Variants in DAB1 observed in about 807,000 individuals in gnomAD.
DAB1 encodes the protein disabled homolog 1.
A neutral mutation model predicts 64.6 loss-of-function variants in DAB1; 15 were observed. That is an observed-to-expected ratio of 0.23 (90% CI 0.16 to 0.36). The LOEUF is 0.36. Ranked by LOEUF, DAB1 falls within the 10% of genes least tolerant of loss-of-function variation. The pLI is 1.00. For missense variants in DAB1, 596 were observed against 706.7 expected (o/e 0.84, Z 1.78); for synonymous variants, 235 against 251.9 (o/e 0.93, Z 0.64).
chr1:57,084,190 G>T (rs1210914784), intron 4 of DAB1, among the ~76,000 whole-genome samples: 1 of 152,200 alleles, frequency 6.6e-6, no homozygotes, highest in Non-Finnish European at 1.5e-5. Flanking sequence ...GTGGCCCACT[G>T]ATTCAATATG....
intron 3 of DAB1, among the ~76,000 whole-genome samples, chr1:58,463,683 C>G (rs1645266571): frequency 6.6e-6 from 1 of 152,224 alleles, no homozygotes; most frequent in Non-Finnish European, 1.5e-5. Context: ...CATGTGGATG[C>G]TGCTTCTGCC....
chr1:57,383,696 A>G (rs1681563724), intron 1 of DAB1, among the ~76,000 whole-genome samples: 1 of 152,198 alleles, frequency 6.6e-6, no homozygotes, highest in Non-Finnish European at 1.5e-5. Flanking sequence ...GGAAAACTGA[A>G]TATCTAGATG....
intron 5 of DAB1, among the ~76,000 whole-genome samples, chr1:58,101,289 C>G (rs954539007): frequency 3.3e-5 from 5 of 152,074 alleles, no homozygotes; most frequent in Admixed American, 2.0e-4. Context: ...TGCACTCCAG[C>G]CTGGGCGACA....
Position 57,215,789 on chromosome 1 carries a change from A to T in DAB1, c.68-70360T>A, listed in dbSNP as rs1299850355. ...TTATCCACTTTTTTCCTTCGACATGAATTCAGACTGGTGCTATGGAATGTC... is the reference window on the plus strand; with the variant it reads ...TTATCCACTTTTTTCCTTCGACATGTATTCAGACTGGTGCTATGGAATGTC... On this transcript the variant is annotated intron_variant, in intron 2 of 14. Coordinates refer to ENST00000371236, the MANE Select transcript of DAB1 (RefSeq NM_001365792.1). Among the ~76,000 whole-genome samples, 2 of 152,230 alleles carry T rather than the reference A, an allele frequency of 1.3e-5. 1 individual carries two copies. The highest frequency in any genetic ancestry group is 4.1e-4 in the South Asian group (2 of 4,836).
chr1:57,129,244 T>C (rs1196389449), intron 4 of DAB1, among the ~76,000 whole-genome samples: 1 of 152,154 alleles, frequency 6.6e-6, no homozygotes, highest in African/African-American at 2.4e-5. Flanking sequence ...AATTATAGAC[T>C]TGGTCCTGTA....
At chr1:57,454,180 T>C (rs1204406410) in intron 7 of DAB1, among the ~76,000 whole-genome samples, 3 of 152,102 alleles carry the variant, frequency 2.0e-5, no homozygotes, top group African/African-American at 4.8e-5. Flanking sequence ...TCTCATTTTA[T>C]ACTCACAGAG....
intron 3 of DAB1, among the ~76,000 whole-genome samples, chr1:58,413,532 C>G (rs956599708): frequency 5.9e-5 from 9 of 152,178 alleles, no homozygotes; most frequent in African/African-American, 1.9e-4. Context: ...GTGATTCCCA[C>G]TATATGATCT....
At chr1:57,058,808 G>A (rs1288001603) in intron 9 of DAB1, among the ~76,000 whole-genome samples, 1 of 152,206 alleles carries the variant, frequency 6.6e-6, no homozygotes, top group African/African-American at 2.4e-5. Flanking sequence ...TCATAGCTTA[G>A]GTTACTACCA....
rs1645594456 is a variant in DAB1 at position 56,995,832 on chromosome 1, A to C, written c.*2312T>G. 6.6e-6 allele frequency: 1 copy of C among 152,208 alleles called. No individual in the cohort carries two copies. The highest frequency in any genetic ancestry group is 1.5e-5 in the Non-Finnish European group (1 of 68,042). The allele number at this position is 152,208 out of a possible 1,614,324, so 9.4% of individuals were successfully genotyped here. ...ACAAACTGGTCTCAGGCCAACTCTT[A>C]TGGTCATTCCACCTTTCCCATCTTC... On this transcript the variant is annotated 3_prime_UTR_variant, in exon 15 of 15. Transcript: ENST00000371236.
chr1:57,455,205 C>T (rs1312522482), intron 7 of DAB1, among the ~76,000 whole-genome samples: 2 of 152,106 alleles, frequency 1.3e-5, no homozygotes, highest in Non-Finnish European at 2.9e-5. Context: ...ATAAACAGTT[C>T]CTAGGGGTAG....
chr1:58,384,456 T>C (rs1428117082), intron 3 of DAB1, among the ~76,000 whole-genome samples: 5 of 152,236 alleles, frequency 3.3e-5, no homozygotes, highest in African/African-American at 9.6e-5. Context: ...CAACATAGCC[T>C]ATAGTTAAAA....
intron 14 of DAB1, among the ~76,000 whole-genome samples, chr1:57,007,541 C>A (rs111442571): frequency 1.3e-5 from 2 of 152,176 alleles, no homozygotes; most frequent in Non-Finnish European, 2.9e-5. Context: ...ATTGAAGATA[C>A]TTTCCTTTAT....
intron 4 of DAB1, among the ~76,000 whole-genome samples, chr1:58,219,736 T>C (rs1168470430): frequency 6.6e-6 from 1 of 152,190 alleles, no homozygotes. Flanking sequence ...CCACACACCC[T>C]TGGCCAGATC....
intron 1 of DAB1, among the ~76,000 whole-genome samples, chr1:57,418,401 A>G (rs1231046305): frequency 6.6e-6 from 1 of 152,252 alleles, no homozygotes; most frequent in East Asian, 1.9e-4. Flanking sequence ...ATGGATACCA[A>G]GTAAACAAAT....
At chr1:57,581,535 G>A (rs988323942) in intron 7 of DAB1, among the ~76,000 whole-genome samples, 6 of 151,828 alleles carry the variant, frequency 4.0e-5, no homozygotes, top group Admixed American at 2.6e-4. Flanking sequence ...AACCTCTCTC[G>A]TTCTCAGTTT....
In DAB1 at chr1:57,238,846, C is replaced by CACACACACACAT. The variant is rs10674912; in HGVS notation, c.67+52117_67+52118insATGTGTGTGTGT. Among the ~76,000 whole-genome samples the CACACACACACAT allele has an allele frequency of 1.6e-3, 226 of 140,742 alleles. 4 individuals carry two copies. The East Asian group carries it at 0.031, about 19-fold the overall frequency. The allele number at this position is 140,742 out of a possible 152,430, so 92.3% of individuals were successfully genotyped here. ...TGGCAGGCGTGTGCACATGCGCACA[C>CACACACACACAT]ACACACACACACATACACACACACA... On this transcript the variant is annotated intron_variant, in intron 2 of 14. Coordinates refer to ENST00000371236, the MANE Select transcript of DAB1 (RefSeq NM_001365792.1).
chr1:57,767,452 AC>A (rs1649362474), intron 6 of DAB1, among the ~76,000 whole-genome samples: 1 of 152,106 alleles, frequency 6.6e-6, no homozygotes, highest in South Asian at 2.1e-4. Flanking sequence ...GCTTCCCTTG[AC>A]CCGTCTGAAT....
intron 4 of DAB1, among the ~76,000 whole-genome samples, chr1:58,188,899 G>C (rs1239008265): frequency 1.3e-5 from 2 of 152,166 alleles, no homozygotes; most frequent in African/African-American, 4.8e-5. Context: ...CATGGGTCCT[G>C]AATGTTCCAC....
intron 6 of DAB1, among the ~76,000 whole-genome samples, chr1:57,757,220 T>TCTTTTTTTTTTTTTTTTTTTTTTTTTG (rs200688727): frequency 8.3e-6 from 1 of 120,152 alleles, no homozygotes; most frequent in Non-Finnish European, 1.8e-5. Context: ...TTTTTTTTTT[T>TCTTTTTTTTTTTTTTTTTTTTTTTTTG]AGCAGCAATG....
Sources: gnomAD v4.1 joint callset for allele counts (sites outside exome capture counted in the v4.1 genomes callset) on GRCh38, gnomAD v4.1.1 for gene constraint, MANE v1.5 for transcripts, NCBI Gene and HGNC (gene_info 2026-07-23, HGNC 2026-07-21) for gene names.